SLC14A2: variants seen among roughly 807,000 people sequenced by gnomAD.
The protein encoded by SLC14A2 is urea transporter 2.
Under a neutral mutation model 104.6 loss-of-function variants are expected in SLC14A2, and 91 were observed. The ratio of observed to expected loss-of-function variants is 0.87; its 90% CI spans 0.73 to 1.04. The LOEUF (loss-of-function observed/expected upper bound fraction) is 1.04. Ranked by LOEUF, SLC14A2 falls within the 50% of genes least tolerant of loss-of-function variation. SLC14A2 has a pLI of 0.00. For missense variants in SLC14A2, 1,189 were observed against 1,156.0 expected (o/e 1.03, Z -0.41); for synonymous variants, 476 against 466.4 (o/e 1.02, Z -0.27).
chr18:45,551,266 C>A (rs1290315053), intron 2 of SLC14A2, among the ~76,000 whole-genome samples: 3 of 152,102 alleles, frequency 2.0e-5, no homozygotes, highest in Non-Finnish European at 4.4e-5. Flanking sequence ...CAGTGGGGAA[C>A]TGGGCGGTGT....
intron 1 of SLC14A2, among the ~76,000 whole-genome samples, chr18:45,335,089 C>T (rs1220875724): frequency 6.6e-6 from 1 of 152,084 alleles, no homozygotes; most frequent in Admixed American, 6.5e-5. Context: ...GCTACCATCA[C>T]CACAATCAAA....
At chr18:45,461,247 T>A (rs910660593) in intron 1 of SLC14A2, among the ~76,000 whole-genome samples, 1 of 152,196 alleles carries the variant, frequency 6.6e-6, no homozygotes, top group Admixed American at 6.5e-5. Flanking sequence ...TTGTATTGCA[T>A]TGGGAAAACT....
At chr18:45,638,978 C>T (rs2045471157) in intron 6 of SLC14A2, among the ~76,000 whole-genome samples, 2 of 152,202 alleles carry the variant, frequency 1.3e-5, no homozygotes, top group Admixed American at 1.3e-4. Flanking sequence ...AGCCTGGCCA[C>T]AGAAAAGCCA....
intron 19 of SLC14A2, among the ~76,000 whole-genome samples, chr18:45,680,444 A>G (rs999580180): frequency 4.6e-5 from 7 of 152,230 alleles, no homozygotes; most frequent in African/African-American, 1.4e-4. Context: ...GGAATATAAA[A>G]AAGTACAGGC....
At chr18:45,461,299 C>T (rs1446490912) in intron 1 of SLC14A2, among the ~76,000 whole-genome samples, 2 of 152,162 alleles carry the variant, frequency 1.3e-5, no homozygotes, top group Admixed American at 1.3e-4. Flanking sequence ...TTCAGAGATA[C>T]TCCTTTGCAT....
At chr18:45,191,720 C>T in the SLC14A2 span, among the ~76,000 whole-genome samples, 1 of 152,148 alleles carries the variant, frequency 6.6e-6, no homozygotes, top group African/African-American at 2.4e-5. Context: ...CTTGTCCTCA[C>T]TTTGTGGCAT....
At chr18:45,397,029 G>C (rs962105213) in intron 1 of SLC14A2, among the ~76,000 whole-genome samples, 2 of 152,062 alleles carry the variant, frequency 1.3e-5, no homozygotes, top group African/African-American at 4.8e-5. Flanking sequence ...GTATTCCTTG[G>C]TGTTTATGTA....
intron 1 of SLC14A2, among the ~76,000 whole-genome samples, chr18:45,391,160 A>G (rs756080003): frequency 1.3e-5 from 2 of 151,394 alleles, no homozygotes; most frequent in East Asian, 1.9e-4. Context: ...ATTCCCACCT[A>G]TGAGAACATG....
intron 1 of SLC14A2, among the ~76,000 whole-genome samples, chr18:45,321,658 G>T (rs897858581): frequency 6.6e-6 from 1 of 152,198 alleles, no homozygotes; most frequent in African/African-American, 2.4e-5. Context: ...TTATAAAGAA[G>T]AGCTGACACA....
chr18:45,476,515 G>A (rs2087383237), intron 1 of SLC14A2, among the ~76,000 whole-genome samples: 1 of 152,164 alleles, frequency 6.6e-6, no homozygotes, highest in Non-Finnish European at 1.5e-5. Context: ...TCCTGAATTT[G>A]AATGTTGGCC....
At chr18:45,314,951 T>C (rs918234952) in intron 1 of SLC14A2, among the ~76,000 whole-genome samples, 5 of 152,352 alleles carry the variant, frequency 3.3e-5, no homozygotes, top group Middle Eastern at 6.8e-3. Context: ...AACCTCATGT[T>C]AGCATGTGGT....
chr18:45,188,979 A>C, the SLC14A2 span, among the ~76,000 whole-genome samples: 1 of 152,170 alleles, frequency 6.6e-6, no homozygotes, highest in Non-Finnish European at 1.5e-5. Context: ...TGATTCTACG[A>C]ATATTTTTTG....
chr18:45,420,156 ATGGCTGGAAAGTTAGTGC>A (rs1270834297), intron 1 of SLC14A2, among the ~76,000 whole-genome samples: 2 of 152,102 alleles, frequency 1.3e-5, no homozygotes, highest in Non-Finnish European at 2.9e-5. Flanking sequence ...GCTCACTCAC[ATGGCTGGAAAGTTAGTGC>A]TGGCTGTTGG....
intron 2 of SLC14A2, among the ~76,000 whole-genome samples, chr18:45,543,793 C>T (rs1268857572): frequency 6.6e-6 from 1 of 152,222 alleles, no homozygotes; most frequent in Non-Finnish European, 1.5e-5. Flanking sequence ...TGTCAAGGAA[C>T]TTGGATTTTA....
intron 1 of SLC14A2, among the ~76,000 whole-genome samples, chr18:45,459,780 GC>G (rs960003064): frequency 1.3e-5 from 2 of 152,160 alleles, no homozygotes; most frequent in African/African-American, 4.8e-5. Flanking sequence ...CTTCGATCAT[GC>G]CTTTGAGGGT....
intron 10 of SLC14A2, among the ~76,000 whole-genome samples, chr18:45,645,557 A>C (rs2045604105): frequency 1.1e-5 from 1 of 87,862 alleles, no homozygotes; most frequent in Non-Finnish European, 2.4e-5. Flanking sequence ...ATTATCTATG[A>C]ATTTCATAAT....
the SLC14A2 span, among the ~76,000 whole-genome samples, chr18:45,174,059 T>G: frequency 1.3e-5 from 2 of 152,164 alleles, no homozygotes; most frequent in African/African-American, 2.4e-5. Flanking sequence ...TGAGTGTATG[T>G]TACCAGGTCA....
At chr18:45,539,175 G>GCAGGGATTCAGGTGGGATTT (rs2043846576) in intron 2 of SLC14A2, among the ~76,000 whole-genome samples, 1 of 150,588 alleles carries the variant, frequency 6.6e-6, no homozygotes, top group African/African-American at 2.4e-5. Flanking sequence ...CTAGGTGGAT[G>GCAGGGATTCAGGTGGGATTT]CAGGGATTCA....
At chr18:45,180,141 C>A in the SLC14A2 span, among the ~76,000 whole-genome samples, 1 of 151,902 alleles carries the variant, frequency 6.6e-6, no homozygotes, top group Non-Finnish European at 1.5e-5. Flanking sequence ...AGTGTGAGAC[C>A]CTGTCTGAAA....
Sources: allele counts gnomAD v4.1 joint callset (sites outside exome capture counted in the v4.1 genomes callset), GRCh38; gene constraint gnomAD v4.1.1; transcripts MANE v1.5; gene names NCBI Gene and HGNC (gene_info 2026-07-23, HGNC 2026-07-21).